The following HSPA14 variants were observed in gnomAD, a reference collection of about 807,000 sequenced individuals.
HSPA14 encodes heat shock protein family A (Hsp70) member 14, also known as heat shock 70 kDa protein 14.
In HSPA14, 37 loss-of-function variants were observed where a neutral mutation model predicts 65.5. The ratio of observed to expected loss-of-function variants is 0.56; its 90% CI spans 0.43 to 0.74. HSPA14 has a LOEUF of 0.74. HSPA14 is among the 30% of genes least tolerant of loss of function. The probability of loss-of-function intolerance (pLI) is 0.00; values close to 1 mark genes in which losing one functional copy is unlikely to be tolerated. For synonymous variants in HSPA14, 203 were observed against 214.2 expected, an observed-to-expected ratio of 0.95 and a Z score of 0.46; for missense variants, 564 against 607.6, an observed-to-expected ratio of 0.93 and a Z score of 0.75.
chr10:14,852,651 G>T, intron 8 of HSPA14, 120 bp downstream of exon 8: 1 of 811,816 alleles, frequency 1.2e-6, no homozygotes, highest in East Asian at 2.7e-5. Flanking sequence ...TTTTTTCATT[G>T]CTTGGAAACT....
At chr10:14,868,544 T>A (rs1832826805) in intron 12 of HSPA14, among the ~76,000 whole-genome samples, 1 of 151,958 alleles carries the variant, frequency 6.6e-6, no homozygotes, top group African/African-American at 2.4e-5. Context: ...AGAACAGTAT[T>A]TGTATTACAA....
intron 10 of HSPA14, among the ~76,000 whole-genome samples, chr10:14,856,447 C>T (rs1832693321): frequency 6.6e-6 from 1 of 152,184 alleles, no homozygotes. Context: ...ACTAGTATAC[C>T]AGGCTGCTTC....
At chr10:14,839,006 A>G (rs879630286) in intron 1 of HSPA14, among the ~76,000 whole-genome samples, 5 of 152,096 alleles carry the variant, frequency 3.3e-5, no homozygotes, top group Admixed American at 1.3e-4. Flanking sequence ...CTGGGCCCGA[A>G]CGTCTAGGTC....
chr10:14,844,740 T>C (rs1258596591), intron 3 of HSPA14: 1 of 967,798 alleles, frequency 1.0e-6, no homozygotes, highest in African/African-American at 1.8e-5. Flanking sequence ...GTAAATTCTT[T>C]GCATTTCATA....
Position 14,871,559 on chromosome 10 carries a change from C to G in HSPA14, c.1483C>G (p.Gln495Glu), listed in dbSNP as rs773638875. ...DGSLHVTCTD[Q>E]ETGKCEAISI... ...ATCTTTACATGTGACATGCACAGAT[C>G]AAGAAACTGGAAAATGTGAAGCAAT... Residue 495 changes from glutamine (Q) to glutamate (E), a missense_variant, in exon 14 of 14, where the codon CAA becomes GAA. Coordinates refer to ENST00000378372, the MANE Select transcript of HSPA14 (RefSeq NM_016299.4). 3 of 1,596,268 alleles carry G rather than the reference C, an allele frequency of 1.9e-6. No individual in the cohort carries two copies. Among genetic ancestry groups the G allele is most frequent in the Non-Finnish European group, 2.6e-6 (3 of 1,169,520 alleles).
chr10:14,870,587 G>C lies in HSPA14; in HGVS notation c.1381-10G>C, dbSNP rs755017045. ...GCTGAATTCTCTTCATATTGTTCTT[G>C]TATAAACAGGTTGTACTCCAGGATT... is the stretch of plus-strand genomic sequence containing the variant. On this transcript the variant is annotated splice_polypyrimidine_tract_variant and intron_variant, in intron 12 of 13. Transcript: ENST00000378372. 5.1e-6 allele frequency: 8 copies of C among 1,581,440 alleles called. No homozygotes were observed. The highest frequency in any genetic ancestry group is 6.9e-6 in the Non-Finnish European group (8 of 1,159,428).
rs143588577 is a variant in HSPA14 at position 14,841,777 on chromosome 10, G to A, written c.221+1620G>A. 3.6e-3 allele frequency among the ~76,000 whole-genome samples: 552 copies of A among 152,356 alleles called. 1 individual carries two copies. The highest frequency in any genetic ancestry group is 0.024 in the Middle Eastern group (7 of 294). On this transcript the variant is annotated intron_variant, in intron 3 of 13. Coordinates refer to ENST00000378372, the MANE Select transcript of HSPA14 (RefSeq NM_016299.4). ...ACAGAGCCACAGCGTGCTGTGATTA[G>A]TAAAGACTGAGCATCTTTCAGATTG...
intron 3 of HSPA14, among the ~76,000 whole-genome samples, chr10:14,848,072 T>TTTTC (rs1834076095): frequency 6.6e-6 from 1 of 152,262 alleles, no homozygotes; most frequent in Admixed American, 6.5e-5. Flanking sequence ...AAACATTTTG[T>TTTTC]AGTCTGCATA....
chr10:14,859,918 C>A (rs1342820700), intron 10 of HSPA14, among the ~76,000 whole-genome samples: 1 of 152,092 alleles, frequency 6.6e-6, no homozygotes, highest in Non-Finnish European at 1.5e-5. Context: ...CATAAAGTCT[C>A]ATTTTTTGAC....
At position 14,871,528 on chromosome 10, in the gene HSPA14, G is replaced by A. The variant is rs775168654; in HGVS notation, c.1452G>A (p.Arg484=). The part of the protein sequence containing the change: ...RDILAVLTMK[R]DGSLHVTCTD... ...GTTCTTTATTTTTTTGTCTGTTTAG[G>A]GATGGATCTTTACATGTGACATGCA... Residue 484 remains arginine (R), a splice_region_variant and synonymous_variant, in exon 14 of 14, where the codon AGG becomes AGA. Coordinates refer to ENST00000378372, the MANE Select transcript of HSPA14 (RefSeq NM_016299.4). 28 of 1,569,242 alleles carry A rather than the reference G, an allele frequency of 1.8e-5. No individual in the cohort carries two copies. The highest frequency in any genetic ancestry group is 2.2e-5 in the Non-Finnish European group (25 of 1,146,732).
At chr10:14,843,906 A>G in intron 3 of HSPA14, 1 of 1,536,020 alleles carries the variant, frequency 6.5e-7, no homozygotes, top group Admixed American at 2.0e-5. Flanking sequence ...AACCAATTAC[A>G]AAAGGCTCTG....
chr10:14,843,762 T>C, intron 3 of HSPA14: 1 of 1,536,434 alleles, frequency 6.5e-7, no homozygotes, highest in South Asian at 1.2e-5. Flanking sequence ...AGCAAGATAC[T>C]GCCAATGAGC....
At chr10:14,866,348 G>A (rs1335814026) in intron 10 of HSPA14, among the ~76,000 whole-genome samples, 2 of 152,132 alleles carry the variant, frequency 1.3e-5, no homozygotes, top group African/African-American at 2.4e-5. Context: ...CTTTCATCAG[G>A]TGGTCCTCTG....
chr10:14,863,962 G>C (rs1832779578), intron 10 of HSPA14, among the ~76,000 whole-genome samples: 1 of 150,328 alleles, frequency 6.7e-6, no homozygotes. Context: ...CCAAAAAAGA[G>C]GTTGTGTAAG....
chr10:14,857,500 T>C (rs1398708994), intron 10 of HSPA14, among the ~76,000 whole-genome samples: 2 of 152,256 alleles, frequency 1.3e-5, no homozygotes, highest in Non-Finnish European at 2.9e-5. Context: ...TTATATTTCA[T>C]TGGTTACTAG....
chr10:14,859,330 C>T (rs1426090313), intron 10 of HSPA14, among the ~76,000 whole-genome samples: 1 of 152,184 alleles, frequency 6.6e-6, no homozygotes, highest in Non-Finnish European at 1.5e-5. Context: ...CCCTCGCTTT[C>T]TGTGGTGTTT....
At chr10:14,861,841 G>A (rs1266089332) in intron 10 of HSPA14, among the ~76,000 whole-genome samples, 4 of 151,674 alleles carry the variant, frequency 2.6e-5, no homozygotes, top group Non-Finnish European at 5.9e-5. Context: ...GTGAAACACC[G>A]TCTCTACTAA....
chr10:14,869,890 A>G (rs1254475079), intron 12 of HSPA14, among the ~76,000 whole-genome samples: 1 of 152,214 alleles, frequency 6.6e-6, no homozygotes, highest in Non-Finnish European at 1.5e-5. Context: ...AGATGCCAGG[A>G]GGAGCGTTAG....
chr10:14,862,376 C>CTTTTTT (rs753404160), intron 10 of HSPA14, among the ~76,000 whole-genome samples: 4 of 128,654 alleles, frequency 3.1e-5, no homozygotes, highest in African/African-American at 5.8e-5. Flanking sequence ...CTTTTCTTTT[C>CTTTTTT]TTTTTTTTTT....
Sources: gnomAD v4.1 joint callset for allele counts (sites outside exome capture counted in the v4.1 genomes callset) on GRCh38, gnomAD v4.1.1 for gene constraint, MANE v1.5 for transcripts, NCBI Gene and HGNC (gene_info 2026-07-23, HGNC 2026-07-21) for gene names.